CC2D1B: variants seen among roughly 807,000 people sequenced by gnomAD.
CC2D1B encodes coiled-coil and C2 domain-containing protein 1B.
CC2D1B carries 92 observed loss-of-function variants against 110.8 expected under a neutral mutation model. That is an observed-to-expected ratio of 0.83 (90% CI 0.70 to 0.99). CC2D1B has a LOEUF of 0.99. Ranked by LOEUF, CC2D1B falls within the 50% of genes least tolerant of loss-of-function variation. The pLI is 0.00. For synonymous variants in CC2D1B, 406 were observed against 429.2 expected (o/e 0.95, Z 0.67); for missense variants, 1,136 against 1,089.0 (o/e 1.04, Z -0.61).
chr1:52,363,053 G>C (rs1439269754), intron 2 of CC2D1B, among the ~76,000 whole-genome samples: 2 of 152,220 alleles, frequency 1.3e-5, no homozygotes, highest in Non-Finnish European at 2.9e-5. Context: ...AGCGTTCTAT[G>C]TGATTATCTT....
intron 4 of CC2D1B, 63 bp downstream of exon 4, chr1:52,361,450 C>A: frequency 6.2e-7 from 1 of 1,606,142 alleles, no homozygotes; most frequent in Non-Finnish European, 8.5e-7. Context: ...CTCTCCACTG[C>A]CCTCTCCTCC....
At position 52,361,623 on chromosome 1, in the gene CC2D1B, G is replaced by C. The variant is rs892767429; in HGVS notation, c.215-7C>G. 3 of 1,613,522 alleles carry C rather than the reference G, an allele frequency of 1.9e-6. No homozygotes were observed. The highest frequency in any genetic ancestry group is 1.6e-4 in the Middle Eastern group (1 of 6,062). On this transcript the variant is annotated splice_polypyrimidine_tract_variant and splice_region_variant and intron_variant, in intron 3 of 24. Transcript: ENST00000284376. The stretch of plus-strand genomic sequence containing the variant: ...TGGGCCATGGGCAGGGGGGCTGGGG[G>C]AAAAAGGTCACAACAAGTCAGCACA...
chr1:52,358,757 T>C lies in CC2D1B; in HGVS notation c.1259A>G (p.Gln420Arg). The C allele has an allele frequency of 1.9e-6, 3 of 1,608,890 alleles. No homozygotes were observed. Among genetic ancestry groups the C allele is most frequent in the Non-Finnish European group, 2.5e-6 (3 of 1,178,564 alleles). The change falls in exon 12 of 25, where the codon CAA (glutamine) becomes CGA (arginine). Residue 420 changes from glutamine (Q) to arginine (R), a missense_variant and splice_region_variant. Physicochemically the swap from Gln to Arg is conservative, Grantham distance 43. Coordinates refer to ENST00000284376, the MANE Select transcript of CC2D1B (RefSeq NM_001330585.2). ...KARMHERIAK[Q>R]YQDAIRAHRA... The stretch of plus-strand genomic sequence containing the variant: ...GTGTGCTCGAATAGCATCTTGATAT[T>C]GCTGCAAGGGAAGGAAGGGAGGGGC...
At chr1:52,359,393 C>A (rs949050938) in intron 9 of CC2D1B, 36 bp from the exon 10 acceptor site, 4 of 1,612,660 alleles carry the variant, frequency 2.5e-6, no homozygotes, top group African/African-American at 1.3e-5. Flanking sequence ...GGTGGGAGGG[C>A]CTGGCCAGCC....
At chr1:52,365,715 A>G (rs1413755347) in intron 1 of CC2D1B, among the ~76,000 whole-genome samples, 1 of 152,184 alleles carries the variant, frequency 6.6e-6, no homozygotes, top group East Asian at 1.9e-4. Flanking sequence ...AGGTAGGGGG[A>G]AAAGGCAGGA....
intron 18 of CC2D1B, 54 bp downstream of exon 18, chr1:52,356,132 C>T (rs1243221938): frequency 2.0e-6 from 3 of 1,483,614 alleles, no homozygotes; most frequent in East Asian, 2.3e-5. Context: ...GGCCTGGGCT[C>T]CCAGCCTCCT....
intron 3 of CC2D1B, 39 bp from the exon 4 acceptor site, chr1:52,361,655 A>AC (rs1646785918): frequency 6.2e-7 from 1 of 1,612,972 alleles, no homozygotes; most frequent in African/African-American, 1.3e-5. Context: ...CACAACTCAG[A>AC]TAAGTTCAGG....
At chr1:52,353,422 T>C (rs567682974) in intron 24 of CC2D1B, 96 bp downstream of exon 24, 1 of 1,524,758 alleles carries the variant, frequency 6.6e-7, no homozygotes, top group African/African-American at 1.4e-5. Flanking sequence ...TTCTCATAGA[T>C]GAGAAACTCC....
At chr1:52,362,083 G>A (rs1168775722) in intron 3 of CC2D1B, among the ~76,000 whole-genome samples, 2 of 152,176 alleles carry the variant, frequency 1.3e-5, no homozygotes, top group Admixed American at 6.5e-5. Context: ...CCCAAGGCAG[G>A]AGCAGTGAGC....
chr1:52,365,080 C>G (rs138808942), intron 1 of CC2D1B, among the ~76,000 whole-genome samples: 2 of 152,368 alleles, frequency 1.3e-5, no homozygotes, highest in African/African-American at 4.8e-5. Flanking sequence ...TATGACCAGA[C>G]AGCACACACA....
chr1:52,356,474 C>A (rs372650508), intron 16 of CC2D1B, 32 bp from the exon 17 acceptor site: 9 of 1,612,910 alleles, frequency 5.6e-6, no homozygotes, highest in African/African-American at 1.3e-5. Flanking sequence ...GACTCCCGAG[C>A]CCAGAGCAGG....
chr1:52,357,487 C>A, intron 15 of CC2D1B, 39 bp downstream of exon 15: 1 of 1,540,554 alleles, frequency 6.5e-7, no homozygotes, highest in East Asian at 2.4e-5. Flanking sequence ...CCGCCACCTC[C>A]GCCTGAGAAG....
At position 52,360,723 on chromosome 1, in the gene CC2D1B, A is replaced by G. The variant is rs1646761776; in HGVS notation, c.478-174T>C. ...CTGGAGAGGCCAGAGGCCATGGCAG[A>G]GGCAAATACAGAGCCCCACTTGGTG... On this transcript the variant is annotated intron_variant, in intron 5 of 24. Transcript: ENST00000284376. The G allele has an allele frequency of 8.7e-6, 9 of 1,029,350 alleles. No homozygotes were observed. The Admixed American group carries it at 2.6e-4, about 29-fold the overall frequency. 63.8% of individuals were successfully genotyped at this position (1,029,350 alleles called of 1,614,324 possible).
At chr1:52,361,710 C>G (rs1646786642) in intron 3 of CC2D1B, 94 bp from the exon 4 acceptor site, 6 of 1,464,978 alleles carry the variant, frequency 4.1e-6, no homozygotes, top group Admixed American at 1.7e-5. Context: ...GGCAGAAATC[C>G]CTCTTCCCTC....
rs201033329 is a variant in CC2D1B at position 52,361,061 on chromosome 1, T to G, written c.390A>C (p.Pro130=). ...GGCCGTTCTCCTCCTCAGAGCCGCCTGGGTCAGCTACCTCATCACCATCCA... is the reference window on the plus strand; with the variant it reads ...GGCCGTTCTCCTCCTCAGAGCCGCCGGGGTCAGCTACCTCATCACCATCCA... ...EPLDGDEVAD[P]GGSEEENGLE... The change falls in exon 5 of 25, where the codon CCA becomes CCC. Residue 130 remains proline, a synonymous_variant. Transcript: ENST00000284376. 2 of 1,614,092 alleles carry G rather than the reference T, an allele frequency of 1.2e-6. No homozygotes were observed. Among genetic ancestry groups the G allele is most frequent in the Admixed American group, 3.3e-5 (2 of 60,024 alleles).
At position 52,361,630 on chromosome 1, in the gene CC2D1B, G is replaced by A; in HGVS notation, c.215-14C>T. The A allele has an allele frequency of 6.2e-7, 1 of 1,613,542 alleles. No individual in the cohort carries two copies. The highest frequency in any genetic ancestry group is 8.5e-7 in the Non-Finnish European group (1 of 1,179,980). On this transcript the variant is annotated splice_polypyrimidine_tract_variant and intron_variant, in intron 3 of 24. Transcript: ENST00000284376. ...TGGGCAGGGGGGCTGGGGGAAAAAG[G>A]TCACAACAAGTCAGCACAACTCAGA...
At chr1:52,353,929 T>C (rs1161988588) in intron 23 of CC2D1B, 2 of 330,728 alleles carry the variant, frequency 6.0e-6, no homozygotes, top group East Asian at 6.4e-5. Flanking sequence ...GGAAGAAACA[T>C]TGGCTTGAAG....
chr1:52,359,072 A>G lies in CC2D1B; in HGVS notation c.1212T>C (p.Ser404=), dbSNP rs746489620. 1 of 1,608,390 alleles carries G rather than the reference A, an allele frequency of 6.2e-7. No individual in the cohort carries two copies. Among genetic ancestry groups the G allele is most frequent in the Non-Finnish European group, 8.5e-7 (1 of 1,179,902 alleles). ...KYREAGIQAR[S]GGDERKARMH... is the part of the protein sequence containing the mutation. ...TCCGAGCCTTGCGCTCGTCCCCACC[A>G]CTCCGGGCCTGGATGCCCGCCTCGC... The change falls in exon 11 of 25, where the codon AGT becomes AGC. Residue 404 remains serine (S), a synonymous_variant. Coordinates refer to ENST00000284376, the MANE Select transcript of CC2D1B (RefSeq NM_001330585.2).
At chr1:52,356,644 C>G in intron 16 of CC2D1B, 1 of 627,710 alleles carries the variant, frequency 1.6e-6, no homozygotes, top group South Asian at 2.0e-5. Context: ...CTGAGGAGAG[C>G]CATTCCCCAA....
Sources: gnomAD v4.1 joint callset for allele counts (sites outside exome capture counted in the v4.1 genomes callset) on GRCh38, gnomAD v4.1.1 for gene constraint, MANE v1.5 for transcripts, NCBI Gene and HGNC (gene_info 2026-07-23, HGNC 2026-07-21) for gene names.